Variants in NLRP7 observed in about 807,000 individuals in gnomAD.
NLRP7 encodes the protein NLR family pyrin domain containing 7.
Under a neutral mutation model 85.5 loss-of-function variants are expected in NLRP7, and 72 were observed. That is an observed-to-expected ratio of 0.84 (90% CI 0.70 to 1.02). NLRP7 has a LOEUF of 1.02. NLRP7 is among the 50% of genes least tolerant of loss of function. The pLI, the probability that NLRP7 is intolerant of heterozygous loss-of-function variation, is 0.00. For missense variants in NLRP7, 1,243 were observed against 1,219.5 expected, an observed-to-expected ratio of 1.02 and a Z score of -0.29; for synonymous variants, 550 against 505.2, an observed-to-expected ratio of 1.09 and a Z score of -1.19.
intron 1 of NLRP7, among the ~76,000 whole-genome samples, chr19:54,958,691 G>T (rs1334396346): frequency 6.6e-6 from 1 of 152,002 alleles, no homozygotes; most frequent in Non-Finnish European, 1.5e-5. Context: ...AGTGGCTCAC[G>T]CCTGTAATCC....
At chr19:54,931,752 AG>A (rs922702564) in intron 8 of NLRP7, among the ~76,000 whole-genome samples, 2 of 151,570 alleles carry the variant, frequency 1.3e-5, no homozygotes, top group African/African-American at 4.8e-5. Flanking sequence ...CAGGAGGCTG[AG>A]GTAGGAGAAT....
intron 8 of NLRP7, among the ~76,000 whole-genome samples, chr19:54,932,390 T>C (rs951041848): frequency 3.4e-5 from 5 of 149,028 alleles, no homozygotes; most frequent in Non-Finnish European, 5.9e-5. Flanking sequence ...ATTACACCAC[T>C]GCATTCCAGT....
exon 5 of NLRP7, chr19:54,938,192 G>C: frequency 6.2e-7 from 1 of 1,614,118 alleles, no homozygotes; most frequent in Non-Finnish European, 8.5e-7. Context: ...CAGAGGCGAA[G>C]AGAGCGAAGA....
chr19:54,957,310 T>C (rs703477), intron 1 of NLRP7, among the ~76,000 whole-genome samples: 107,442 of 150,252 alleles, frequency 0.72, 39,521 homozygotes, highest in African/African-American at 0.9. Context: ...CGTGAGCCAC[T>C]GGGACGGACA....
upstream of NLRP7, among the ~76,000 whole-genome samples, chr19:54,949,933 G>A (rs1320947273): frequency 6.6e-6 from 1 of 151,836 alleles, no homozygotes; most frequent in African/African-American, 2.4e-5. Context: ...CAAGACCCTG[G>A]CTCTACAAAA....
chr19:54,925,936 C>T (rs969637921), intron 9 of NLRP7, among the ~76,000 whole-genome samples: 42 of 151,484 alleles, frequency 2.8e-4, no homozygotes, highest in Non-Finnish European at 5.3e-4. Context: ...GGAGGTGGAG[C>T]TTGCAGTGAG....
chr19:54,940,836 A>C, intron 3 of NLRP7, 95 bp downstream of exon 3: 2 of 898,564 alleles, frequency 2.2e-6, no homozygotes, highest in South Asian at 1.3e-5. Context: ...CAAAAAAAAA[A>C]AAAACTACCA....
intron 1 of NLRP7, among the ~76,000 whole-genome samples, chr19:54,956,463 G>T (rs542931286): frequency 6.6e-6 from 1 of 152,246 alleles, no homozygotes; most frequent in Admixed American, 6.5e-5. Context: ...GCCAAGGCAG[G>T]CGGATCACTT....
chr19:54,930,530 C>T (rs1355416538), exon 9 of NLRP7: 1 of 1,612,284 alleles, frequency 6.2e-7, no homozygotes, highest in Non-Finnish European at 8.5e-7. Context: ...TTTGGATTCT[C>T]TAATGCCTGA....
upstream of NLRP7, among the ~76,000 whole-genome samples, chr19:54,949,498 C>T (rs1479336467): frequency 1.3e-5 from 2 of 152,040 alleles, no homozygotes; most frequent in Non-Finnish European, 2.9e-5. Context: ...AAACATTTGG[C>T]CTTTAGTCCT....
At position 54,953,880 on chromosome 19, in the gene NLRP7, G is replaced by A. The variant is rs60997011; in HGVS notation, c.-76-6375C>T. On this transcript the variant is annotated intron_variant, in intron 1 of 2. Transcript: ENST00000587103. ...AAATTAGCTGGGCGTGGTGGCGGGCGCCTGTAGTCCCAGCTACTCGGGAGG... is the reference window on the plus strand; with the variant it reads ...AAATTAGCTGGGCGTGGTGGCGGGCACCTGTAGTCCCAGCTACTCGGGAGG... Among the ~76,000 whole-genome samples, 1,156 of 151,656 alleles carry A rather than the reference G, an allele frequency of 7.6e-3. 7 individuals carry two copies. Among genetic ancestry groups the A allele is most frequent in the African/African-American group, 0.026 (1,058 of 41,374 alleles).
chr19:54,931,740 C>T (rs1352930065), intron 8 of NLRP7, among the ~76,000 whole-genome samples: 2 of 151,704 alleles, frequency 1.3e-5, no homozygotes, highest in Non-Finnish European at 2.9e-5. Flanking sequence ...ATCCTAGCTA[C>T]TCAGGAGGCT....
intron 1 of NLRP7, among the ~76,000 whole-genome samples, chr19:54,964,391 T>C (rs1327354260): frequency 6.6e-6 from 1 of 150,696 alleles, no homozygotes; most frequent in East Asian, 2.0e-4. Context: ...TAATTTTTTG[T>C]ATTTTTAGTA....
At position 54,941,760 on chromosome 19, in the gene NLRP7, A is replaced by T. The variant is rs766831433; in HGVS notation, c.-39-10T>A. On this transcript the variant is annotated splice_polypyrimidine_tract_variant and intron_variant, in intron 1 of 9. Coordinates refer to ENST00000340844, the Ensembl canonical transcript of NLRP7. ...GGTTAAGGCTGAAGAACTGGGGGGA[A>T]AAAAGGAAAAACAGTTCACGAGTTA... 4 of 1,579,286 alleles carry T rather than the reference A, an allele frequency of 2.5e-6. No homozygotes were observed. The highest frequency in any genetic ancestry group is 3.4e-6 in the Non-Finnish European group (4 of 1,166,898).
intron 5 of NLRP7, among the ~76,000 whole-genome samples, chr19:54,937,335 G>T (rs2146205817): frequency 6.6e-6 from 1 of 151,856 alleles, no homozygotes; most frequent in Admixed American, 6.6e-5. Flanking sequence ...ACGGTTACCT[G>T]TGTAACTAAC....
intron 1 of NLRP7, among the ~76,000 whole-genome samples, chr19:54,953,899 C>T (rs1181170315): frequency 2.0e-5 from 3 of 151,410 alleles, no homozygotes; most frequent in Non-Finnish European, 4.4e-5. Context: ...CCCAGCTACT[C>T]GGGAGGCTGA....
chr19:54,944,131 C>A (rs755315409), intron 1 of NLRP7, among the ~76,000 whole-genome samples: 13 of 151,972 alleles, frequency 8.6e-5, no homozygotes, highest in Non-Finnish European at 1.5e-4. Context: ...AGACCGTACC[C>A]CAGCCCGACA....
At chr19:54,939,773 A>G in exon 4 of NLRP7, 1 of 1,613,860 alleles carries the variant, frequency 6.2e-7, no homozygotes, top group Non-Finnish European at 8.5e-7. Context: ...GCTCCTCATT[A>G]GCTCAAAGGC....
chr19:54,946,241 C>A (rs1489266432), intron 1 of NLRP7, among the ~76,000 whole-genome samples: 1 of 147,586 alleles, frequency 6.8e-6, no homozygotes, highest in East Asian at 2.0e-4. Flanking sequence ...TGCAGCATTT[C>A]ACTCTGGTTG....
Sources: gnomAD v4.1 joint callset for allele counts (sites outside exome capture counted in the v4.1 genomes callset) on GRCh38, gnomAD v4.1.1 for gene constraint, MANE v1.5 for transcripts, NCBI Gene and HGNC (gene_info 2026-07-23, HGNC 2026-07-21) for gene names.